The following KCNH7 variants were observed in gnomAD, a reference collection of about 807,000 sequenced individuals.
KCNH7 encodes voltage-gated inwardly rectifying potassium channel KCNH7.
A neutral mutation model predicts 120.8 loss-of-function variants in KCNH7; 49 were observed. The ratio of observed to expected loss-of-function variants is 0.41; its 90% CI spans 0.32 to 0.51. The LOEUF is 0.51. KCNH7 is among the 20% of genes least tolerant of loss of function. KCNH7 has a pLI of 0.38. For synonymous variants in KCNH7, 547 were observed against 516.1 expected, an observed-to-expected ratio of 1.06 and a Z score of -0.81; for missense variants, 1,097 against 1,446.6, an observed-to-expected ratio of 0.76 and a Z score of 3.92.
At chr2:162,609,493 G>A (rs1169693934) in intron 2 of KCNH7, among the ~76,000 whole-genome samples, 1 of 151,956 alleles carries the variant, frequency 6.6e-6, no homozygotes, top group East Asian at 1.9e-4. Context: ...GTCCTTATAT[G>A]AAGTCACAGA....
intron 2 of KCNH7, among the ~76,000 whole-genome samples, chr2:162,653,328 G>A (rs1183186810): frequency 6.6e-6 from 1 of 152,150 alleles, no homozygotes; most frequent in Admixed American, 6.5e-5. Context: ...CAAAGGACAT[G>A]ATCTCAGATT....
At chr2:162,644,321 T>A (rs556847788) in intron 2 of KCNH7, among the ~76,000 whole-genome samples, 3 of 152,270 alleles carry the variant, frequency 2.0e-5, no homozygotes, top group South Asian at 2.1e-4. Flanking sequence ...CTTTTTTTTT[T>A]AATAAAGTTG....
At chr2:162,837,713 A>T (rs1224890176) in intron 1 of KCNH7, among the ~76,000 whole-genome samples, 1 of 152,210 alleles carries the variant, frequency 6.6e-6, no homozygotes, top group African/African-American at 2.4e-5. Flanking sequence ...TTTATTCCCT[A>T]TATTTAGTCC....
In KCNH7 at chr2:162,820,556, A is replaced by T. The variant is rs112376608; in HGVS notation, c.307+15981T>A. 6.6e-3 allele frequency among the ~76,000 whole-genome samples: 1,010 copies of T among 152,236 alleles called. 13 individuals are homozygous for T. Among genetic ancestry groups the T allele is most frequent in the African/African-American group, 0.023 (948 of 41,542 alleles). On this transcript the variant is annotated intron_variant, in intron 2 of 15. Coordinates refer to ENST00000332142, the MANE Select transcript of KCNH7 (RefSeq NM_033272.4). ...AACATTCAAGGGTAATTTAAAAGAA[A>T]AAGTTAGTTGAATCTGCAAGGGAAG...
chr2:162,498,509 T>C (rs1241804529), intron 6 of KCNH7, among the ~76,000 whole-genome samples: 1 of 149,570 alleles, frequency 6.7e-6, no homozygotes, highest in Non-Finnish European at 1.5e-5. Flanking sequence ...AGGGTGGGGG[T>C]GTGCACGTGT....
intron 2 of KCNH7, chr2:162,538,042 G>T (rs894283619): frequency 6.6e-6 from 1 of 152,112 alleles, no homozygotes; most frequent in South Asian, 2.1e-4. Context: ...ATTTGTTTCT[G>T]TTCCAGCTAT....
chr2:162,477,188 T>C (rs889990111), intron 6 of KCNH7, among the ~76,000 whole-genome samples: 4 of 152,232 alleles, frequency 2.6e-5, no homozygotes, highest in African/African-American at 9.6e-5. Flanking sequence ...GCTTAGAGCC[T>C]TATGATCATT....
chr2:162,687,859 C>A (rs1685952374), intron 2 of KCNH7, among the ~76,000 whole-genome samples: 2 of 152,062 alleles, frequency 1.3e-5, no homozygotes, highest in Admixed American at 6.6e-5. Context: ...GGCTCACAAG[C>A]CTTTCTAGTA....
chr2:162,377,918 G>T (rs1174916578), intron 14 of KCNH7, among the ~76,000 whole-genome samples: 1 of 152,088 alleles, frequency 6.6e-6, no homozygotes, highest in Non-Finnish European at 1.5e-5. Context: ...TTACTATTGG[G>T]TGATTGCACG....
chr2:162,794,944 T>C (rs530230587), intron 2 of KCNH7, among the ~76,000 whole-genome samples: 1 of 152,178 alleles, frequency 6.6e-6, no homozygotes, highest in East Asian at 1.9e-4. Flanking sequence ...TTGAGTAAAA[T>C]ACATATCAGA....
At chr2:162,469,063 A>C (rs984530117) in intron 6 of KCNH7, among the ~76,000 whole-genome samples, 4 of 152,160 alleles carry the variant, frequency 2.6e-5, no homozygotes, top group Non-Finnish European at 4.4e-5. Context: ...GCTATGTTGC[A>C]CAGGCTGGTC....
chr2:162,471,681 C>T (rs946160794), intron 6 of KCNH7, among the ~76,000 whole-genome samples: 3 of 152,140 alleles, frequency 2.0e-5, no homozygotes, highest in African/African-American at 7.2e-5. Context: ...TTTATAGATT[C>T]AATGCCATCC....
At chr2:162,626,472 G>A (rs1212163669) in intron 2 of KCNH7, among the ~76,000 whole-genome samples, 1 of 152,128 alleles carries the variant, frequency 6.6e-6, no homozygotes, top group African/African-American at 2.4e-5. Context: ...AAGTCATGAA[G>A]TACACTGATT....
intron 2 of KCNH7, among the ~76,000 whole-genome samples, chr2:162,644,077 C>T (rs1684265389): frequency 6.6e-6 from 1 of 151,834 alleles, no homozygotes; most frequent in Non-Finnish European, 1.5e-5. Flanking sequence ...ACCTGCTTTT[C>T]CCTCCTACCC....
At chr2:162,702,479 C>T (rs1265392088) in intron 2 of KCNH7, among the ~76,000 whole-genome samples, 1 of 152,120 alleles carries the variant, frequency 6.6e-6, no homozygotes, top group Admixed American at 6.6e-5. Flanking sequence ...ATTACTGTGT[C>T]TCAAATGTTA....
intron 2 of KCNH7, among the ~76,000 whole-genome samples, chr2:162,781,421 C>T (rs934989752): frequency 2.6e-5 from 4 of 151,806 alleles, no homozygotes; most frequent in African/African-American, 9.7e-5. Flanking sequence ...TATTAAATCC[C>T]TATGTTTATT....
chr2:162,686,355 T>G (rs1685890503), intron 2 of KCNH7, among the ~76,000 whole-genome samples: 4 of 152,078 alleles, frequency 2.6e-5, no homozygotes, highest in Admixed American at 2.6e-4. Context: ...ATGTACCAAT[T>G]CGTTTCCAAT....
chr2:162,723,208 T>C (rs1380783234), intron 2 of KCNH7, among the ~76,000 whole-genome samples: 1 of 152,196 alleles, frequency 6.6e-6, no homozygotes, highest in African/African-American at 2.4e-5. Context: ...TAAGTCTCTA[T>C]ATTGTTACAT....
chr2:162,786,853 A>G (rs1011539673), intron 2 of KCNH7, among the ~76,000 whole-genome samples: 21 of 152,342 alleles, frequency 1.4e-4, no homozygotes, highest in Middle Eastern at 3.4e-3. Flanking sequence ...CATCCGCACC[A>G]GAAAATACCT....
Sources: gnomAD v4.1 joint callset for allele counts (sites outside exome capture counted in the v4.1 genomes callset) on GRCh38, gnomAD v4.1.1 for gene constraint, MANE v1.5 for transcripts, NCBI Gene and HGNC (gene_info 2026-07-23, HGNC 2026-07-21) for gene names.